The following LRP1B variants were observed in gnomAD, a reference collection of about 807,000 sequenced individuals.
LRP1B encodes low-density lipoprotein receptor-related protein 1B.
LRP1B carries 217 observed loss-of-function variants against 556.6 expected under a neutral mutation model. The ratio of observed to expected loss-of-function variants is 0.39; its 90% CI spans 0.35 to 0.44. The LOEUF (loss-of-function observed/expected upper bound fraction) is 0.44. LRP1B is among the 20% of genes least tolerant of loss of function. The pLI is 1.00. For missense variants in LRP1B, 5,053 were observed against 5,620.8 expected (o/e 0.90, Z 3.23); for synonymous variants, 2,047 against 1,865.8 (o/e 1.10, Z -2.50).
intron 7 of LRP1B, among the ~76,000 whole-genome samples, chr2:141,068,187 G>C (rs1480565934): frequency 6.6e-6 from 1 of 151,968 alleles, no homozygotes; most frequent in Non-Finnish European, 1.5e-5. Flanking sequence ...TTGAAGCGGT[G>C]TCCTTGTCTA....
chr2:141,636,483 T>G (rs1476672409), intron 2 of LRP1B, among the ~76,000 whole-genome samples: 2 of 152,164 alleles, frequency 1.3e-5, no homozygotes. Flanking sequence ...AACTGGTGAT[T>G]GGTGTGTAAA....
intron 1 of LRP1B, among the ~76,000 whole-genome samples, chr2:142,058,367 C>T (rs1704757474): frequency 6.6e-6 from 1 of 152,118 alleles, no homozygotes; most frequent in African/African-American, 2.4e-5. Flanking sequence ...CCTGTTCTTG[C>T]CTCCACCTTC....
intron 31 of LRP1B, among the ~76,000 whole-genome samples, chr2:140,815,037 A>C (rs1333218510): frequency 6.6e-6 from 1 of 152,000 alleles, no homozygotes; most frequent in African/African-American, 2.4e-5. Context: ...ATAACTACTC[A>C]CGGAAAAGTA....
intron 7 of LRP1B, among the ~76,000 whole-genome samples, chr2:141,157,273 A>G (rs1574135975): frequency 6.6e-6 from 1 of 152,060 alleles, no homozygotes; most frequent in Admixed American, 6.6e-5. Context: ...TAACATATGA[A>G]CAGGTTTTTC....
intron 66 of LRP1B, among the ~76,000 whole-genome samples, chr2:140,388,061 C>T (rs1193317435): frequency 4.6e-5 from 7 of 151,772 alleles, no homozygotes; most frequent in South Asian, 2.1e-4. Flanking sequence ...CTCAGCCTCC[C>T]GAGTAGCTGG....
chr2:140,813,687 ATTCTTCT>A lies in LRP1B; in HGVS notation c.5322_5328del (p.Lys1774AsnfsTer2). 6.2e-7 allele frequency: 1 copy of A among 1,613,596 alleles called. No homozygotes were observed. ...ATGGTTAGGGCTGTAGCTTTTGTTA[ATTCTTCT>A]TTCATTGACTCGATTACTTCTAAAT... On this transcript the variant is annotated frameshift_variant, in exon 32 of 91. Transcript: ENST00000389484. LOFTEE classifies it high-confidence loss of function.
At chr2:140,623,956 G>GTATATGTATATATATATATATATA (rs1553501211) in intron 41 of LRP1B, among the ~76,000 whole-genome samples, 1 of 106,436 alleles carries the variant, frequency 9.4e-6, no homozygotes, top group Non-Finnish European at 1.9e-5. Context: ...TTTTATTTAT[G>GTATATGTATATATATATATATATA]TATATATATA....
chr2:140,580,560 T>C (rs1196798862), intron 43 of LRP1B, among the ~76,000 whole-genome samples: 3 of 152,338 alleles, frequency 2.0e-5, no homozygotes, highest in Admixed American at 1.3e-4. Flanking sequence ...TAACAGCCTA[T>C]TAAATAATTA....
At chr2:141,575,773 G>T (rs114902982) in intron 2 of LRP1B, among the ~76,000 whole-genome samples, 1 of 150,392 alleles carries the variant, frequency 6.6e-6, no homozygotes, top group Non-Finnish European at 1.5e-5. Flanking sequence ...AAACAACTCC[G>T]TCAAAAAGTG....
intron 2 of LRP1B, among the ~76,000 whole-genome samples, chr2:141,637,733 C>T (rs1195785424): frequency 6.6e-6 from 1 of 152,172 alleles, no homozygotes; most frequent in Non-Finnish European, 1.5e-5. Context: ...CATGCTTACG[C>T]TGTGGCATCT....
At chr2:141,002,994 C>G (rs1005531021) in intron 15 of LRP1B, among the ~76,000 whole-genome samples, 2 of 151,694 alleles carry the variant, frequency 1.3e-5, no homozygotes, top group Non-Finnish European at 2.9e-5. Context: ...TTCTCATGTC[C>G]GGTAGTTGGA....
intron 2 of LRP1B, among the ~76,000 whole-genome samples, chr2:141,689,110 A>G (rs142508494): frequency 6.6e-5 from 10 of 152,008 alleles, no homozygotes; most frequent in African/African-American, 2.2e-4. Context: ...TGTTGCAAAT[A>G]CTGACTTCTG....
chr2:140,649,441 C>T (rs192043312), intron 41 of LRP1B, among the ~76,000 whole-genome samples: 279 of 152,302 alleles, frequency 1.8e-3, no homozygotes, highest in Non-Finnish European at 3.2e-3. Context: ...TTCATTCAAT[C>T]CCATATTCTC....
intron 6 of LRP1B, among the ~76,000 whole-genome samples, chr2:141,220,872 C>T (rs981460067): frequency 6.6e-6 from 1 of 151,518 alleles, no homozygotes; most frequent in African/African-American, 2.4e-5. Flanking sequence ...TAAGCAAATA[C>T]TGAGGGAATT....
intron 1 of LRP1B, among the ~76,000 whole-genome samples, chr2:141,934,041 A>G (rs1166735154): frequency 6.6e-6 from 1 of 152,172 alleles, no homozygotes; most frequent in Admixed American, 6.6e-5. Context: ...AGGCTAAAAT[A>G]AACAAAAGAG....
At chr2:141,582,749 A>AT (rs1464696398) in intron 2 of LRP1B, among the ~76,000 whole-genome samples, 3 of 151,160 alleles carry the variant, frequency 2.0e-5, no homozygotes, top group Non-Finnish European at 4.4e-5. Context: ...TCAAACATCT[A>AT]TTGAAGCATT....
chr2:140,626,869 C>T (rs893833403), intron 41 of LRP1B, among the ~76,000 whole-genome samples: 1 of 152,016 alleles, frequency 6.6e-6, no homozygotes, highest in African/African-American at 2.4e-5. Flanking sequence ...ATATGAATAT[C>T]AGTCTTGACA....
chr2:141,044,715 A>C (rs1187103026), intron 11 of LRP1B, among the ~76,000 whole-genome samples: 3 of 150,944 alleles, frequency 2.0e-5, no homozygotes, highest in Non-Finnish European at 3.0e-5. Context: ...CAAAACCACA[A>C]TGAGATACCA....
intron 20 of LRP1B, among the ~76,000 whole-genome samples, chr2:140,940,232 C>A (rs374035718): frequency 6.6e-6 from 1 of 151,872 alleles, no homozygotes; most frequent in Non-Finnish European, 1.5e-5. Context: ...AACTTACCTG[C>A]GGAAATAGCT....
Sources: gnomAD v4.1 joint callset for allele counts (sites outside exome capture counted in the v4.1 genomes callset) on GRCh38, gnomAD v4.1.1 for gene constraint, MANE v1.5 for transcripts, NCBI Gene and HGNC (gene_info 2026-07-23, HGNC 2026-07-21) for gene names.